The following CAST variants were observed in gnomAD, a reference collection of about 807,000 sequenced individuals.
The protein encoded by CAST is MIR583 host.
A neutral mutation model predicts 119.6 loss-of-function variants in CAST; 76 were observed. That is an observed-to-expected ratio of 0.64 (90% CI 0.53 to 0.77). CAST has a LOEUF of 0.77. Ranked by LOEUF, CAST falls within the 30% of genes least tolerant of loss-of-function variation. The probability of loss-of-function intolerance (pLI) is 0.00; values close to 1 mark genes in which losing one functional copy is unlikely to be tolerated. For synonymous variants in CAST, 319 were observed against 331.6 expected, an observed-to-expected ratio of 0.96 and a Z score of 0.41; for missense variants, 953 against 946.5, an observed-to-expected ratio of 1.01 and a Z score of -0.09.
At chr5:96,574,849 A>G (rs898417715) in intron 1 of CAST, among the ~76,000 whole-genome samples, 1 of 152,126 alleles carries the variant, frequency 6.6e-6, no homozygotes, top group Non-Finnish European at 1.5e-5. Context: ...GCACATTCCT[A>G]TGGGTTTATT....
At chr5:96,416,142 A>C in the CAST span, 1 of 1,475,454 alleles carries the variant, frequency 6.8e-7, no homozygotes, top group Non-Finnish European at 9.5e-7. Context: ...AAAAATAAGA[A>C]TTATAAAACA....
At chr5:96,525,691 C>T (rs968697525), upstream of CAST, among the ~76,000 whole-genome samples, 1 of 152,082 alleles carries the variant, frequency 6.6e-6, no homozygotes, top group Non-Finnish European at 1.5e-5. Flanking sequence ...AAATGATTAT[C>T]CTACTTACCA....
the CAST span, among the ~76,000 whole-genome samples, chr5:96,435,008 T>C: frequency 1.2e-3 from 187 of 152,330 alleles, 3 homozygotes; most frequent in South Asian, 7.7e-3. Context: ...CATGTGTGAA[T>C]GTTGATGGCT....
the CAST span, among the ~76,000 whole-genome samples, chr5:96,222,535 GAA>G: frequency 1.3e-5 from 2 of 151,984 alleles, no homozygotes; most frequent in African/African-American, 2.4e-5. Context: ...AAGCATCAAG[GAA>G]ATGAAAATTA....
the CAST span, among the ~76,000 whole-genome samples, chr5:96,401,459 T>G: frequency 0.31 from 47,874 of 152,130 alleles, 8,084 homozygotes; most frequent in Admixed American, 0.43. Context: ...AGCTTATACT[T>G]TATCTTTTGG....
chr5:96,638,335 G>A (rs969058827), intron 1 of CAST, among the ~76,000 whole-genome samples: 7 of 152,104 alleles, frequency 4.6e-5, no homozygotes, highest in African/African-American at 1.7e-4. Flanking sequence ...GAACCCAGGA[G>A]GTGGAGGTTG....
chr5:96,166,665 T>C, the CAST span, among the ~76,000 whole-genome samples: 1 of 152,160 alleles, frequency 6.6e-6, no homozygotes. Flanking sequence ...AATATACAAA[T>C]CTAGATAATC....
At chr5:96,373,890 G>A in the CAST span, among the ~76,000 whole-genome samples, 1 of 152,042 alleles carries the variant, frequency 6.6e-6, no homozygotes, top group Non-Finnish European at 1.5e-5. Context: ...GGGACCACAG[G>A]TCCACACCAC....
intron 1 of CAST, among the ~76,000 whole-genome samples, chr5:96,644,041 G>A (rs1172544376): frequency 6.0e-5 from 9 of 150,384 alleles, no homozygotes; most frequent in East Asian, 1.9e-4. Context: ...ACGAGGTTCC[G>A]TCTCAAAAAC....
chr5:96,746,547 A>C, intron 17 of CAST, 122 bp downstream of exon 17: 1 of 733,476 alleles, frequency 1.4e-6, no homozygotes, highest in Non-Finnish European at 2.5e-6. Context: ...TAACTCTGAA[A>C]ACCCTGAACC....
the CAST span, among the ~76,000 whole-genome samples, chr5:96,311,463 G>A: frequency 6.6e-6 from 1 of 151,988 alleles, no homozygotes; most frequent in African/African-American, 2.4e-5. Flanking sequence ...CAAGTCCAAT[G>A]TTTCCACATG....
At chr5:96,486,491 A>G in the CAST span, among the ~76,000 whole-genome samples, 4 of 152,086 alleles carry the variant, frequency 2.6e-5, no homozygotes, top group African/African-American at 9.7e-5. Flanking sequence ...AAACAACCAA[A>G]CCCTGCATGA....
intron 3 of CAST, among the ~76,000 whole-genome samples, chr5:96,715,505 G>A (rs1422546998): frequency 2.0e-5 from 3 of 152,124 alleles, no homozygotes; most frequent in Admixed American, 2.0e-4. Flanking sequence ...TGTAATCTTA[G>A]ATAAGTTATT....
chr5:96,216,554 A>G, the CAST span, among the ~76,000 whole-genome samples: 3 of 152,146 alleles, frequency 2.0e-5, no homozygotes, highest in Non-Finnish European at 2.9e-5. Context: ...TTACCCACAC[A>G]TGATTTTGTG....
At chr5:96,048,831 A>G in the CAST span, among the ~76,000 whole-genome samples, 3 of 152,204 alleles carry the variant, frequency 2.0e-5, no homozygotes, top group Non-Finnish European at 4.4e-5. Context: ...AAGAGCAATA[A>G]GACGTAGTTC....
the CAST span, among the ~76,000 whole-genome samples, chr5:96,118,404 T>C: frequency 6.6e-6 from 1 of 152,164 alleles, no homozygotes; most frequent in Non-Finnish European, 1.5e-5. Context: ...AGAAAGGAAA[T>C]GATTCTACAG....
At chr5:96,413,848 G>A in the CAST span, among the ~76,000 whole-genome samples, 10 of 143,102 alleles carry the variant, frequency 7.0e-5, 2 homozygotes, top group African/African-American at 2.1e-4. Context: ...GGCCAGGTGC[G>A]GTGGCTCACG....
At chr5:96,382,173 T>C in the CAST span, among the ~76,000 whole-genome samples, 1 of 152,352 alleles carries the variant, frequency 6.6e-6, no homozygotes, top group Non-Finnish European at 1.5e-5. Context: ...CTCTCCTCAT[T>C]TCCTCTTTCC....
intron 2 of CAST, among the ~76,000 whole-genome samples, chr5:96,677,124 A>G (rs2150251704): frequency 6.6e-6 from 1 of 152,254 alleles, no homozygotes; most frequent in African/African-American, 2.4e-5. Flanking sequence ...ATATTTCCAG[A>G]TAAGTTATTT....
Sources: allele counts gnomAD v4.1 joint callset (sites outside exome capture counted in the v4.1 genomes callset), GRCh38; gene constraint gnomAD v4.1.1; transcripts MANE v1.5; gene names NCBI Gene and HGNC (gene_info 2026-07-23, HGNC 2026-07-21).